KCNN2: variants seen among roughly 807,000 people sequenced by gnomAD.
KCNN2 encodes the protein small conductance calcium-activated potassium channel protein 2.
Under a neutral mutation model 55.5 loss-of-function variants are expected in KCNN2, and 24 were observed. The ratio of observed to expected loss-of-function variants is 0.43; its 90% CI spans 0.31 to 0.61. The LOEUF (loss-of-function observed/expected upper bound fraction) is 0.61. KCNN2 is among the 20% of genes least tolerant of loss of function. KCNN2 has a pLI of 0.08. For missense variants in KCNN2, 754 were observed against 853.6 expected (o/e 0.88, Z 1.45); for synonymous variants, 431 against 336.1 (o/e 1.28, Z -3.09).
intron 3 of KCNN2, among the ~76,000 whole-genome samples, chr5:114,431,841 T>C (rs963750333): frequency 6.6e-6 from 1 of 152,240 alleles, no homozygotes; most frequent in Non-Finnish European, 1.5e-5. Flanking sequence ...GGGACCCATG[T>C]ACTATTTCAG....
intron 2 of KCNN2, among the ~76,000 whole-genome samples, chr5:114,392,422 A>C (rs1206001275): frequency 1.3e-5 from 2 of 152,066 alleles, no homozygotes; most frequent in Non-Finnish European, 2.9e-5. Flanking sequence ...TTAATACTTA[A>C]TTAGTTTCAC....
chr5:114,339,721 T>C (rs1756982481), intron 2 of KCNN2, among the ~76,000 whole-genome samples: 1 of 152,060 alleles, frequency 6.6e-6, no homozygotes, highest in African/African-American at 2.4e-5. Flanking sequence ...GAGGATTGCT[T>C]GAGCCCAGGA....
rs545648140 is a variant in KCNN2 at position 114,467,748 on chromosome 5, T to C, written c.1779+4558T>C. ...GCCGTCTTCCGGGTACAGGAAAGTA[T>C]AGGTGGAAGTTGTTGTGACCTTTTA... is the stretch of plus-strand genomic sequence containing the variant. On this transcript the variant is annotated intron_variant, in intron 4 of 7. Transcript: ENST00000673685. 3.3e-5 allele frequency among the ~76,000 whole-genome samples: 5 copies of C among 152,218 alleles called. No individual in the cohort carries two copies. The South Asian group carries it at 1.0e-3, about 32-fold the overall frequency.
rs35136031 is a variant in KCNN2 at position 114,168,201 on chromosome 5, A to AC, written c.-270-53279_-270-53278insC. Among the ~76,000 whole-genome samples, 8 of 150,988 alleles carry AC rather than the reference A, an allele frequency of 5.3e-5. No individual in the cohort carries two copies. In the East Asian group the frequency reaches 1.2e-3, roughly 22 times the overall value. On this transcript the variant is annotated intron_variant, in intron 1 of 10. Transcript: ENST00000512097. ...CACACACACACACACACACACACAC[A>AC]ACATCTAGGTAGTATGATAAATACA...
intron 2 of KCNN2, among the ~76,000 whole-genome samples, chr5:114,238,534 G>A (rs1239593187): frequency 6.6e-6 from 1 of 151,666 alleles, no homozygotes; most frequent in Non-Finnish European, 1.5e-5. Flanking sequence ...ACTGAGGCAG[G>A]AGAATCGCTT....
chr5:114,384,077 G>C (rs1156348353), intron 2 of KCNN2, among the ~76,000 whole-genome samples: 3 of 152,072 alleles, frequency 2.0e-5, no homozygotes, highest in Middle Eastern at 3.2e-3. Context: ...AGGTTCTTTT[G>C]TTTTCTTTTT....
chr5:114,167,474 A>T (rs1292139515), intron 1 of KCNN2, among the ~76,000 whole-genome samples: 1 of 152,132 alleles, frequency 6.6e-6, no homozygotes, highest in African/African-American at 2.4e-5. Flanking sequence ...ACTAACAAAC[A>T]TACTAACTTA....
intron 1 of KCNN2, among the ~76,000 whole-genome samples, chr5:114,174,916 C>T (rs190532912): frequency 3.2e-3 from 494 of 152,218 alleles, no homozygotes; most frequent in Non-Finnish European, 3.5e-3. Flanking sequence ...ACCAAAGCTG[C>T]CCCCAATGGG....
chr5:114,365,697 T>C (rs978594406), intron 2 of KCNN2, among the ~76,000 whole-genome samples: 17 of 152,222 alleles, frequency 1.1e-4, no homozygotes, highest in Non-Finnish European at 2.1e-4. Context: ...AGTTTCCCTC[T>C]AAATCCAAAA....
At chr5:114,074,602 G>T (rs575149592) in intron 1 of KCNN2, among the ~76,000 whole-genome samples, 4 of 152,160 alleles carry the variant, frequency 2.6e-5, no homozygotes, top group Non-Finnish European at 5.9e-5. Flanking sequence ...ACTGACCTGT[G>T]TTCAGCCCCT....
intron 1 of KCNN2, among the ~76,000 whole-genome samples, chr5:114,160,229 A>C (rs541167327): frequency 9.5e-4 from 144 of 152,304 alleles, no homozygotes; most frequent in Non-Finnish European, 1.7e-3. Flanking sequence ...GTTTCAAAGA[A>C]CATCTTTATT....
At chr5:114,464,047 G>A (rs17136633) in intron 4 of KCNN2, among the ~76,000 whole-genome samples, 39,668 of 151,968 alleles carry the variant, frequency 0.26, 5,683 homozygotes, top group East Asian at 0.59. Context: ...GTCTTGTGGA[G>A]CACTTGGGAA....
At chr5:114,467,647 C>T (rs139056877) in intron 4 of KCNN2, among the ~76,000 whole-genome samples, 1 of 152,216 alleles carries the variant, frequency 6.6e-6, no homozygotes, top group East Asian at 1.9e-4. Context: ...CACCAATGTC[C>T]TTTCTTGAGG....
At chr5:114,289,763 GC>G (rs1216965313) in intron 2 of KCNN2, among the ~76,000 whole-genome samples, 2 of 152,078 alleles carry the variant, frequency 1.3e-5, no homozygotes, top group East Asian at 3.8e-4. Flanking sequence ...GGCTAGTATT[GC>G]CATCTTAACA....
At chr5:114,291,730 G>T (rs1755893212) in intron 2 of KCNN2, among the ~76,000 whole-genome samples, 1 of 152,288 alleles carries the variant, frequency 6.6e-6, no homozygotes, top group African/African-American at 2.4e-5. Flanking sequence ...TAGGTCAAAT[G>T]GTATTTCTAG....
intron 3 of KCNN2, among the ~76,000 whole-genome samples, chr5:114,424,906 T>A (rs1211913299): frequency 6.6e-6 from 1 of 151,976 alleles, no homozygotes; most frequent in Non-Finnish European, 1.5e-5. Flanking sequence ...TGCCCAGATG[T>A]TGAAAGGTAG....
upstream of KCNN2, among the ~76,000 whole-genome samples, chr5:114,357,744 A>C (rs1369413068): frequency 3.6e-5 from 5 of 140,686 alleles, no homozygotes; most frequent in East Asian, 2.1e-4. Context: ...ATTGTGAATA[A>C]TGCCGCAATA....
chr5:114,402,458 G>C (rs144284738), intron 2 of KCNN2, among the ~76,000 whole-genome samples: 1 of 152,170 alleles, frequency 6.6e-6, no homozygotes, highest in Non-Finnish European at 1.5e-5. Context: ...TGACTTTGTA[G>C]ACTCTACTGA....
chr5:114,259,409 T>G (rs1471334918), intron 2 of KCNN2, among the ~76,000 whole-genome samples: 2 of 152,282 alleles, frequency 1.3e-5, no homozygotes, highest in East Asian at 3.9e-4. Context: ...CAGAGGACTT[T>G]GATGGCTGTG....
Sources: gnomAD v4.1 joint callset for allele counts (sites outside exome capture counted in the v4.1 genomes callset) on GRCh38, gnomAD v4.1.1 for gene constraint, MANE v1.5 for transcripts, NCBI Gene and HGNC (gene_info 2026-07-23, HGNC 2026-07-21) for gene names.